The following FYB1 variants were observed in gnomAD, a reference collection of about 807,000 sequenced individuals.
FYB1 encodes FYN-binding protein 1.
A neutral mutation model predicts 94.1 loss-of-function variants in FYB1; 41 were observed. That is an observed-to-expected ratio of 0.44 (90% CI 0.34 to 0.57). The LOEUF is 0.57. FYB1 is among the 20% of genes least tolerant of loss of function. FYB1 has a pLI of 0.02. For missense variants in FYB1, 1,050 were observed against 976.8 expected (o/e 1.07, Z -1.00); for synonymous variants, 367 against 353.2 (o/e 1.04, Z -0.44).
intron 1 of FYB1, among the ~76,000 whole-genome samples, chr5:39,205,532 A>G (rs922568930): frequency 1.3e-5 from 2 of 152,208 alleles, no homozygotes; most frequent in African/African-American, 4.8e-5. Flanking sequence ...ATGGAAAGCA[A>G]GAGTTTTAAG....
intron 2 of FYB1, chr5:39,170,315 G>A: frequency 7.2e-7 from 1 of 1,381,810 alleles, no homozygotes; most frequent in Non-Finnish European, 9.8e-7. Context: ...TTTCCAGCAA[G>A]ATCAACAAAC....
At chr5:39,233,082 C>A (rs1010887563) in intron 1 of FYB1, among the ~76,000 whole-genome samples, 2 of 152,056 alleles carry the variant, frequency 1.3e-5, no homozygotes, top group African/African-American at 4.8e-5. Context: ...GGTATATACC[C>A]AGTAATGGGA....
At chr5:39,129,312 G>A (rs925674006) in intron 10 of FYB1, among the ~76,000 whole-genome samples, 1 of 151,808 alleles carries the variant, frequency 6.6e-6, no homozygotes, top group African/African-American at 2.4e-5. Context: ...ATCAACTCAA[G>A]ATAGATTAAG....
At chr5:39,150,893 T>C (rs1743190855) in intron 3 of FYB1, among the ~76,000 whole-genome samples, 1 of 152,194 alleles carries the variant, frequency 6.6e-6, no homozygotes, top group South Asian at 2.1e-4. Flanking sequence ...GTGATTTTTA[T>C]AAAGCACAAG....
intron 9 of FYB1, among the ~76,000 whole-genome samples, chr5:39,132,596 T>C (rs1741298472): frequency 6.6e-6 from 1 of 152,316 alleles, no homozygotes; most frequent in African/African-American, 2.4e-5. Context: ...GTGGTATGTA[T>C]GGATTCAATA....
At chr5:39,162,494 G>A (rs1257389321) in intron 2 of FYB1, among the ~76,000 whole-genome samples, 2 of 152,084 alleles carry the variant, frequency 1.3e-5, no homozygotes, top group African/African-American at 2.4e-5. Flanking sequence ...AGACCATCCT[G>A]GCCAACATGG....
chr5:39,180,710 G>C (rs1375254390), intron 2 of FYB1, among the ~76,000 whole-genome samples: 1 of 152,134 alleles, frequency 6.6e-6, no homozygotes, highest in Admixed American at 6.5e-5. Context: ...CTAAATGCTG[G>C]TGTAGCTAAG....
intron 16 of FYB1, among the ~76,000 whole-genome samples, chr5:39,115,728 G>A (rs1739501664): frequency 6.6e-6 from 1 of 152,090 alleles, no homozygotes. Context: ...GAAGGAGTAA[G>A]CAGGTTTGTA....
intron 2 of FYB1, among the ~76,000 whole-genome samples, chr5:39,200,445 C>T (rs1294330746): frequency 6.6e-6 from 1 of 152,062 alleles, no homozygotes; most frequent in Non-Finnish European, 1.5e-5. Flanking sequence ...AAGTCACAGC[C>T]ATAAAATGGA....
At chr5:39,269,835 C>T in intron 1 of FYB1, 1 of 152,266 alleles carries the variant, frequency 6.6e-6, no homozygotes, top group East Asian at 1.9e-4. Flanking sequence ...GAATAGCAGA[C>T]AAAGACAGAA....
At chr5:39,110,654 G>T (rs568966358) in intron 16 of FYB1, 3 of 340,362 alleles carry the variant, frequency 8.8e-6, no homozygotes, top group East Asian at 5.5e-5. Context: ...AAATAAAAAA[G>T]CAACTTTTTT....
intron 3 of FYB1, among the ~76,000 whole-genome samples, chr5:39,152,768 T>C (rs529900603): frequency 6.6e-6 from 1 of 152,364 alleles, no homozygotes; most frequent in South Asian, 2.1e-4. Context: ...AAGAGCAGGC[T>C]TGAATAAAAG....
chr5:39,193,872 G>T (rs1455023614), intron 2 of FYB1, among the ~76,000 whole-genome samples: 1 of 152,184 alleles, frequency 6.6e-6, no homozygotes, highest in Non-Finnish European at 1.5e-5. Context: ...CAGAAGAGTG[G>T]ATTCAAAGTC....
At chr5:39,203,084 G>T in intron 1 of FYB1, 97 bp from the exon 2 acceptor site, 1 of 1,020,466 alleles carries the variant, frequency 9.8e-7, no homozygotes, top group South Asian at 1.6e-5. Flanking sequence ...TTTGAGGCCT[G>T]CAGCGTTGCT....
rs372790979 is a variant in FYB1 at position 39,252,493 on chromosome 5, A to G, written c.-28+21910T>C. Reference sequence around the variant, plus strand: ...AAACACACAAACAATCTGTTATGCAAGGAAGGAGAAATCAATTGGTATAAA... The same window carrying G: ...AAACACACAAACAATCTGTTATGCAGGGAAGGAGAAATCAATTGGTATAAA... On this transcript the variant is annotated intron_variant, in intron 1 of 1. Coordinates refer to the FYB1 transcript ENST00000510188. Among the ~76,000 whole-genome samples the G allele has an allele frequency of 3.7e-4, 57 of 152,374 alleles. No homozygotes were observed. In the East Asian group the frequency reaches 5.6e-3, roughly 15 times the overall value.
At chr5:39,222,008 T>A (rs2150555718), upstream of FYB1, among the ~76,000 whole-genome samples, 1 of 151,202 alleles carries the variant, frequency 6.6e-6, no homozygotes, top group Non-Finnish European at 1.5e-5. Flanking sequence ...GTCTCAAAAA[T>A]AAAATAAAAT....
intron 2 of FYB1, chr5:39,170,180 T>C: frequency 1.3e-6 from 1 of 787,476 alleles, no homozygotes; most frequent in Non-Finnish European, 2.2e-6. Flanking sequence ...AAATCTGTAT[T>C]TGAACTTCTG....
At chr5:39,225,841 A>G (rs1028042661) in intron 1 of FYB1, among the ~76,000 whole-genome samples, 5 of 152,226 alleles carry the variant, frequency 3.3e-5, no homozygotes, top group African/African-American at 1.2e-4. Flanking sequence ...TAGGCAAAGC[A>G]TACAGGGATC....
rs1347315876 is a variant in FYB1, at chr5:39,106,050, T to C, written c.*1393A>G. 6.6e-6 allele frequency: 1 copy of C among 152,190 alleles called. No individual in the cohort carries two copies. The highest frequency in any genetic ancestry group is 2.4e-5 in the African/African-American group (1 of 41,454). The allele number at this position is 152,190 out of a possible 1,614,324, so 9.4% of individuals were successfully genotyped here. On this transcript the variant is annotated 3_prime_UTR_variant, in exon 19 of 19. Transcript: ENST00000512982. Reference sequence around the variant, plus strand: ...CCAATGGGCCTTTGCAATATTAAAATGTGGAGAATGCATTAATCATTATTT... The same window carrying C: ...CCAATGGGCCTTTGCAATATTAAAACGTGGAGAATGCATTAATCATTATTT...
Sources: gnomAD v4.1 joint callset for allele counts (sites outside exome capture counted in the v4.1 genomes callset) on GRCh38, gnomAD v4.1.1 for gene constraint, MANE v1.5 for transcripts, NCBI Gene and HGNC (gene_info 2026-07-23, HGNC 2026-07-21) for gene names.